PTGER4: variants seen among roughly 807,000 people sequenced by gnomAD.
PTGER4 encodes prostaglandin E2 receptor EP4 subtype.
Under a neutral mutation model 33.2 loss-of-function variants are expected in PTGER4, and 11 were observed. The observed-to-expected ratio is 0.33, with a 90% CI of 0.21 to 0.55. PTGER4 has a LOEUF of 0.55. Ranked by LOEUF, PTGER4 falls within the 20% of genes least tolerant of loss-of-function variation. The pLI is 0.92. For missense variants in PTGER4, 481 were observed against 650.2 expected, an observed-to-expected ratio of 0.74 and a Z score of 2.83; for synonymous variants, 275 against 281.5, an observed-to-expected ratio of 0.98 and a Z score of 0.23.
At chr5:40,723,902 G>C in the PTGER4 span, among the ~76,000 whole-genome samples, 3 of 152,086 alleles carry the variant, frequency 2.0e-5, no homozygotes, top group Non-Finnish European at 2.9e-5. Context: ...AGATGTGTCA[G>C]TGAGGTTATG....
the PTGER4 span, among the ~76,000 whole-genome samples, chr5:40,724,248 T>C: frequency 1.3e-5 from 2 of 152,224 alleles, no homozygotes; most frequent in South Asian, 2.1e-4. Flanking sequence ...GAGGACATTA[T>C]GCTAAGTGAA....
chr5:40,737,384 A>G, the PTGER4 span, among the ~76,000 whole-genome samples: 4 of 152,200 alleles, frequency 2.6e-5, no homozygotes, highest in African/African-American at 9.6e-5. Context: ...CAGAGTGATA[A>G]AATAACCAAG....
In PTGER4 at chr5:40,680,925, C is replaced by T; in HGVS notation, c.-43-26C>T. On this transcript the variant is annotated intron_variant, in intron 1 of 2. Coordinates refer to ENST00000302472, the MANE Select transcript of PTGER4 (RefSeq NM_000958.3). This position sits in a 1 kb window ranked among gnomAD's most constrained non-coding sequence, Gnocchi z 5.5. The stretch of plus-strand genomic sequence containing the variant: ...AAGTGGTAATTTCCGCTCACGGCAG[C>T]TTTGTCTCTCTTCTACCATCCCCAG... 1 of 1,529,234 alleles carries T rather than the reference C, an allele frequency of 6.5e-7. No homozygotes were observed. Among genetic ancestry groups the T allele is most frequent in the Non-Finnish European group, 8.8e-7 (1 of 1,138,136 alleles). 94.7% of individuals were successfully genotyped at this position (1,529,234 alleles called of 1,614,324 possible). A position where few individuals can be genotyped will look rare whatever the true frequency, so the allele number is the denominator to read the frequency against.
chr5:40,729,016 C>T, the PTGER4 span, among the ~76,000 whole-genome samples: 1 of 152,164 alleles, frequency 6.6e-6, no homozygotes, highest in Non-Finnish European at 1.5e-5. Flanking sequence ...CCAGAGAGTT[C>T]TAGTACCCTC....
At chr5:40,682,303 A>G (rs1741217961) in intron 2 of PTGER4, among the ~76,000 whole-genome samples, 4 of 152,174 alleles carry the variant, frequency 2.6e-5, no homozygotes, top group Admixed American at 2.0e-4. Flanking sequence ...ACCATTTTTA[A>G]GGAAAGTGGG....
rs1741465258 is a variant in PTGER4 at position 40,691,354 on chromosome 5, G to A, written c.868-425G>A. Among the ~76,000 whole-genome samples the A allele has an allele frequency of 6.6e-6, 1 of 152,168 alleles. No individual in the cohort carries two copies. Among genetic ancestry groups the A allele is most frequent in the Non-Finnish European group, 1.5e-5 (1 of 68,010 alleles). Reference sequence around the variant, plus strand: ...ATGCCACCACACCCAGCTAATTTTTGTATTTTTAGTAGAGATGGGGTTTCA... The same window carrying A: ...ATGCCACCACACCCAGCTAATTTTTATATTTTTAGTAGAGATGGGGTTTCA... On this transcript the variant is annotated intron_variant, in intron 2 of 2. Coordinates refer to ENST00000302472, the MANE Select transcript of PTGER4 (RefSeq NM_000958.3). This position sits in a 1 kb window ranked among gnomAD's most constrained non-coding sequence, Gnocchi z 4.2.
At chr5:40,697,770 A>G (rs1579655519), downstream of PTGER4, among the ~76,000 whole-genome samples, 1 of 151,942 alleles carries the variant, frequency 6.6e-6, no homozygotes, top group Non-Finnish European at 1.5e-5. Context: ...GGTGGAAAAA[A>G]GGCAAAATAA....
chr5:40,696,994 GAAAGGGAA>G (rs1741595921), downstream of PTGER4, among the ~76,000 whole-genome samples: 1 of 138,230 alleles, frequency 7.2e-6, no homozygotes, highest in Non-Finnish European at 1.6e-5. Flanking sequence ...GAGAGAAAGA[GAAAGGGAA>G]AGAAAGAGAG....
At chr5:40,722,436 G>A in the PTGER4 span, among the ~76,000 whole-genome samples, 4 of 150,874 alleles carry the variant, frequency 2.7e-5, no homozygotes, top group Non-Finnish European at 5.9e-5. Flanking sequence ...CCTCTTCCCG[G>A]CCGTCATCCA....
rs772433751 is a variant in PTGER4, at chr5:40,680,984, A to T, written c.-10A>T. 13 of 1,599,290 alleles carry T rather than the reference A, an allele frequency of 8.1e-6. No homozygotes were observed. The highest frequency in any genetic ancestry group is 1.1e-5 in the Non-Finnish European group (13 of 1,172,096). ...TTGCACTCCAAGGCTGCGCACCGCC[A>T]GCCACTATCATGTCCACTCCCGGGG... On this transcript the variant is annotated 5_prime_UTR_variant, in exon 2 of 3. Transcript: ENST00000302472. The surrounding 1 kb of genome is among the most constrained non-coding windows in gnomAD (Gnocchi z 5.5).
At chr5:40,723,501 C>A in the PTGER4 span, among the ~76,000 whole-genome samples, 2 of 126,966 alleles carry the variant, frequency 1.6e-5, no homozygotes, top group African/African-American at 6.1e-5. Flanking sequence ...TAAATAAAAG[C>A]TAACTCAAAT....
At chr5:40,744,730 A>ACTGT in the PTGER4 span, among the ~76,000 whole-genome samples, 4 of 152,256 alleles carry the variant, frequency 2.6e-5, no homozygotes, top group Admixed American at 2.6e-4. Context: ...ATTCAAATCA[A>ACTGT]CAATTCTTAT....
chr5:40,697,723 A>G (rs370986474), downstream of PTGER4, among the ~76,000 whole-genome samples: 7 of 152,224 alleles, frequency 4.6e-5, no homozygotes, highest in East Asian at 7.7e-4. Flanking sequence ...AATGAATTTA[A>G]AAAAGGCAAT....
At chr5:40,738,323 G>A in the PTGER4 span, among the ~76,000 whole-genome samples, 9 of 151,906 alleles carry the variant, frequency 5.9e-5, 1 homozygote, top group East Asian at 3.9e-4. Flanking sequence ...GCTGAGGCAG[G>A]AGAATTGCTT....
the PTGER4 span, among the ~76,000 whole-genome samples, chr5:40,722,132 G>C: frequency 6.6e-6 from 1 of 151,528 alleles, no homozygotes; most frequent in Admixed American, 6.6e-5. Context: ...TTAAACCCGG[G>C]AGGCGGAGGT....
chr5:40,681,658 C>T lies in PTGER4; in HGVS notation c.665C>T (p.Ser222Leu). Reference protein sequence around the residue: ...RMHRQFMRRTSLGTEQHHAAA... With the variant: ...RMHRQFMRRTLLGTEQHHAAA... ...CACCGCCAGTTCATGCGCCGCACCT[C>T]GCTGGGCACCGAGCAGCACCACGCG... Residue 222 changes from serine (S) to leucine (L), a missense_variant, in exon 2 of 3, where the codon TCG becomes TTG. Transcript: ENST00000302472. The surrounding 1 kb of genome is among the most constrained non-coding windows in gnomAD (Gnocchi z 9.8). The T allele has an allele frequency of 6.3e-7, 1 of 1,591,586 alleles. No homozygotes were observed. The highest frequency in any genetic ancestry group is 8.5e-7 in the Non-Finnish European group (1 of 1,174,708).
chr5:40,712,492 C>T, the PTGER4 span, among the ~76,000 whole-genome samples: 1 of 152,108 alleles, frequency 6.6e-6, no homozygotes, highest in African/African-American at 2.4e-5. Flanking sequence ...AGAGGATGTA[C>T]TTTAAGTTTA....
downstream of PTGER4, among the ~76,000 whole-genome samples, chr5:40,697,169 GAAAGGAAGAAAAATTAAGAAAGAAAGAAA>G (rs1163087720): frequency 7.2e-5 from 10 of 138,390 alleles, no homozygotes; most frequent in Non-Finnish European, 1.1e-4. Flanking sequence ...AGAAAAGAAA[GAAAGGAAGAAAAATTAAGAAAGAAAGAAA>G]AGAAAGAAAG....
At chr5:40,742,323 GTAA>G in the PTGER4 span, among the ~76,000 whole-genome samples, 20 of 152,010 alleles carry the variant, frequency 1.3e-4, no homozygotes, top group Middle Eastern at 3.4e-3. Flanking sequence ...TACTATAATA[GTAA>G]TAATAATAAT....
Sources: gnomAD v4.1 joint callset for allele counts (sites outside exome capture counted in the v4.1 genomes callset) on GRCh38, gnomAD v4.1.1 for gene constraint, Gnocchi (gnomAD v3.1) non-coding constraint, MANE v1.5 for transcripts, NCBI Gene and HGNC (gene_info 2026-07-23, HGNC 2026-07-21) for gene names.